Variants in DPY19L1 observed in about 807,000 individuals in gnomAD.
DPY19L1 encodes the protein dpy-19 like C-mannosyltransferase 1.
In DPY19L1, 35 loss-of-function variants were observed where a neutral mutation model predicts 96.9. The observed-to-expected ratio is 0.36, with a 90% CI of 0.28 to 0.48. The LOEUF is 0.48. DPY19L1 is among the 20% of genes least tolerant of loss of function. The pLI is 0.99. For missense variants in DPY19L1, 521 were observed against 777.9 expected (o/e 0.67, Z 3.93); for synonymous variants, 205 against 252.6 (o/e 0.81, Z 1.79).
intron 1 of DPY19L1, among the ~76,000 whole-genome samples, chr7:35,024,288 A>G (rs1289282023): frequency 6.6e-6 from 1 of 152,254 alleles, no homozygotes; most frequent in Non-Finnish European, 1.5e-5. Context: ...ACAAAATGAC[A>G]TAAAAAGAAG....
chr7:35,003,294 C>T (rs1164726155), intron 6 of DPY19L1, among the ~76,000 whole-genome samples: 2 of 152,110 alleles, frequency 1.3e-5, no homozygotes, highest in Non-Finnish European at 2.9e-5. Context: ...CAGGGGAGAG[C>T]AGTCAAGGAA....
At chr7:34,975,647 T>C (rs1784815492) in intron 7 of DPY19L1, among the ~76,000 whole-genome samples, 1 of 152,216 alleles carries the variant, frequency 6.6e-6, no homozygotes, top group South Asian at 2.1e-4. Context: ...CATCTAGGAC[T>C]TTCCTAGTCA....
chr7:34,958,633 G>A (rs1584218045), intron 10 of DPY19L1, among the ~76,000 whole-genome samples: 1 of 152,150 alleles, frequency 6.6e-6, no homozygotes, highest in African/African-American at 2.4e-5. Flanking sequence ...GATGGATCAA[G>A]GATATACACA....
intron 6 of DPY19L1, among the ~76,000 whole-genome samples, chr7:35,000,237 G>A (rs918343190): frequency 6.6e-6 from 1 of 152,032 alleles, no homozygotes; most frequent in Non-Finnish European, 1.5e-5. Flanking sequence ...ATAGCTGTTC[G>A]TATTCACCAC....
intron 6 of DPY19L1, among the ~76,000 whole-genome samples, chr7:34,997,782 G>A (rs1352272364): frequency 6.6e-6 from 1 of 152,078 alleles, no homozygotes; most frequent in African/African-American, 2.4e-5. Flanking sequence ...AGCAAAACTG[G>A]CATAAAATTT....
At position 34,969,519 on chromosome 7, in the gene DPY19L1, A is replaced by G; in HGVS notation, c.928T>C (p.Tyr310His). Reference sequence around the variant, plus strand: ...CAGAGTGCAATCAAGCTTCCTCTATAAAGTTTTGTAGCCCTTGAAAAGATA... The same window carrying G: ...CAGAGTGCAATCAAGCTTCCTCTATGAAGTTTTGTAGCCCTTGAAAAGATA... ...VTHILRATKL[Y>H]RGSLIALCIS... Residue 310 changes from tyrosine (Y) to histidine (H), a missense_variant, in exon 9 of 22, where the codon TAT becomes CAT. By Grantham distance (83) the Tyr-to-His change is moderately conservative. Transcript: ENST00000638088. The G allele has an allele frequency of 6.4e-6, 10 of 1,558,824 alleles. No individual in the cohort carries two copies. The highest frequency in any genetic ancestry group is 7.8e-6 in the Non-Finnish European group (9 of 1,155,992).
chr7:34,954,517 A>C (rs1784336513), intron 13 of DPY19L1, 181 bp downstream of exon 13: 20 of 378,132 alleles, frequency 5.3e-5, no homozygotes. Context: ...TAAGAAACTA[A>C]TTTTGGAGAA....
chr7:34,992,877 A>G (rs1785203936), intron 6 of DPY19L1, among the ~76,000 whole-genome samples: 1 of 152,146 alleles, frequency 6.6e-6, no homozygotes, highest in Non-Finnish European at 1.5e-5. Context: ...TGCTGTGACT[A>G]TGTGCCAACC....
At chr7:35,037,779 A>G (rs1462336232), upstream of DPY19L1, 8 of 1,180,340 alleles carry the variant, frequency 6.8e-6, no homozygotes, top group African/African-American at 3.2e-5. Context: ...CTTCCGGCGC[A>G]GGCGGGGCCC....
intron 16 of DPY19L1, among the ~76,000 whole-genome samples, chr7:34,943,744 G>A (rs1784076677): frequency 6.6e-6 from 1 of 152,132 alleles, no homozygotes; most frequent in Admixed American, 6.5e-5. Flanking sequence ...CTCTTGAAGG[G>A]ACAGCTTTGT....
At chr7:34,943,417 G>A (rs943121262) in intron 16 of DPY19L1, among the ~76,000 whole-genome samples, 1 of 152,142 alleles carries the variant, frequency 6.6e-6, no homozygotes. Flanking sequence ...CCAAGGAAAG[G>A]AATCACAGAG....
intron 21 of DPY19L1, among the ~76,000 whole-genome samples, chr7:34,937,585 A>T (rs2021792): frequency 0.18 from 27,335 of 151,826 alleles, 2,852 homozygotes; most frequent in Admixed American, 0.34. Flanking sequence ...TCATTATTTA[A>T]AAAAAAAAGA....
In DPY19L1 at chr7:35,037,261, A is replaced by G. The variant is rs1032401039; in HGVS notation, c.134T>C (p.Leu45Pro). The G allele has an allele frequency of 9.3e-5, 28 of 302,010 alleles. No homozygotes were observed. The highest frequency in any genetic ancestry group is 1.8e-3 in the Middle Eastern group (2 of 1,130). 18.7% of individuals were successfully genotyped at this position (302,010 alleles called of 1,614,324 possible). A position where few individuals can be genotyped will look rare whatever the true frequency, so the allele number is the denominator to read the frequency against. ...CGCGGCGCCCTTGCGCCCCGGGGAC[A>G]GGGGCGCGCGCTCGGGCCCCGGCTC... The part of the protein sequence containing the change: ...AGEPGPERAP[L>P]SPGRKGAAGR... Residue 45 changes from leucine (L) to proline (P), a missense_variant, in exon 1 of 22, where the codon CTG (leucine) becomes CCG (proline). By Grantham distance (98) the Leu-to-Pro change is moderately conservative (BLOSUM62 -3). Transcript: ENST00000638088.
At chr7:34,966,350 T>C (rs1784607766) in intron 10 of DPY19L1, among the ~76,000 whole-genome samples, 2 of 152,114 alleles carry the variant, frequency 1.3e-5, no homozygotes, top group African/African-American at 4.8e-5. Flanking sequence ...CAGGCTGGAG[T>C]GCAGTGGTGT....
chr7:35,010,082 T>G (rs569993191), intron 6 of DPY19L1, among the ~76,000 whole-genome samples: 1 of 151,914 alleles, frequency 6.6e-6, no homozygotes, highest in Non-Finnish European at 1.5e-5. Flanking sequence ...ACAAAAAAAT[T>G]AGCTGAGTTT....
intron 16 of DPY19L1, among the ~76,000 whole-genome samples, chr7:34,943,670 T>C (rs1225984670): frequency 6.6e-6 from 1 of 152,206 alleles, no homozygotes; most frequent in African/African-American, 2.4e-5. Context: ...TCTGATCCTA[T>C]TTGAACTGAC....
At chr7:34,947,137 G>A (rs534476568) in intron 15 of DPY19L1, among the ~76,000 whole-genome samples, 26 of 152,110 alleles carry the variant, frequency 1.7e-4, no homozygotes, top group African/African-American at 5.3e-4. Flanking sequence ...TTTATATCTG[G>A]GCTTTGAATT....
chr7:35,017,959 T>TTA lies in DPY19L1; in HGVS notation c.332_333dup (p.Thr112Ter). 1 of 1,603,262 alleles carries TTA rather than the reference T, an allele frequency of 6.2e-7. No individual in the cohort carries two copies. The highest frequency in any genetic ancestry group is 8.5e-7 in the Non-Finnish European group (1 of 1,174,494). On this transcript the variant is annotated frameshift_variant, in exon 3 of 22. Coordinates refer to ENST00000638088, the MANE Select transcript of DPY19L1 (RefSeq NM_001366673.1). LOFTEE classifies it high-confidence loss of function. ...TGACGGTCATTTTCAAAGAGGTGTG[T>TTA]TATATGGCTCCTGGAAAAACAAAAC...
intron 7 of DPY19L1, among the ~76,000 whole-genome samples, chr7:34,975,058 A>G (rs1294454536): frequency 6.6e-6 from 1 of 152,088 alleles, no homozygotes; most frequent in African/African-American, 2.4e-5. Flanking sequence ...TCGGGCCTCC[A>G]AATTCCCTGA....
Sources: allele counts gnomAD v4.1 joint callset (sites outside exome capture counted in the v4.1 genomes callset), GRCh38; gene constraint gnomAD v4.1.1; transcripts MANE v1.5; gene names NCBI Gene and HGNC (gene_info 2026-07-23, HGNC 2026-07-21).